The following HMGA2 variants were observed in gnomAD, a reference collection of about 807,000 sequenced individuals.
HMGA2 encodes high mobility group protein HMGI-C.
In HMGA2, 8 loss-of-function variants were observed where a neutral mutation model predicts 19.1. The observed-to-expected ratio is 0.42, with a 90% CI of 0.25 to 0.76. The LOEUF is 0.76. HMGA2 is among the 30% of genes least tolerant of loss of function. HMGA2 has a pLI of 0.28. For missense variants in HMGA2, 109 were observed against 136.3 expected, an observed-to-expected ratio of 0.80 and a Z score of 1.00; for synonymous variants, 60 against 48.8, an observed-to-expected ratio of 1.23 and a Z score of -0.96.
At chr12:65,875,169 A>G (rs2121061655) in intron 3 of HMGA2, among the ~76,000 whole-genome samples, 1 of 152,268 alleles carries the variant, frequency 6.6e-6, no homozygotes, top group East Asian at 1.9e-4. Context: ...TTACTCCCCT[A>G]TTCTCATATG....
chr12:65,842,117 T>C, intron 3 of HMGA2: 1 of 1,289,714 alleles, frequency 7.8e-7, no homozygotes, highest in Non-Finnish European at 1.0e-6. Flanking sequence ...GTCTCTTTTT[T>C]TCCTGGCTTT....
intron 3 of HMGA2, among the ~76,000 whole-genome samples, chr12:65,872,086 C>G (rs1030194472): frequency 6.6e-6 from 1 of 152,192 alleles, no homozygotes; most frequent in Non-Finnish European, 1.5e-5. Context: ...TGCTCCAGAT[C>G]TTTCATCCAG....
At chr12:65,848,870 A>C (rs1401775224) in intron 3 of HMGA2, among the ~76,000 whole-genome samples, 9 of 152,238 alleles carry the variant, frequency 5.9e-5, no homozygotes, top group Non-Finnish European at 1.5e-5. Flanking sequence ...CTCAAAAAAA[A>C]AAAAAGTTTA....
At chr12:65,908,540 G>T (rs1258053402) in intron 3 of HMGA2, among the ~76,000 whole-genome samples, 1 of 151,552 alleles carries the variant, frequency 6.6e-6, no homozygotes, top group Non-Finnish European at 1.5e-5. Flanking sequence ...AGTTTCATAT[G>T]TCTCCAGTTG....
At chr12:65,828,301 T>C in intron 2 of HMGA2, 1 of 494,608 alleles carries the variant, frequency 2.0e-6, no homozygotes, top group Admixed American at 3.2e-5. Flanking sequence ...CTTAACAGTG[T>C]TGTTTTTAAA....
At chr12:65,943,960 T>C (rs1051110063) in intron 3 of HMGA2, among the ~76,000 whole-genome samples, 8 of 152,148 alleles carry the variant, frequency 5.3e-5, no homozygotes, top group African/African-American at 1.9e-4. Context: ...GCAGGTTCAT[T>C]CCCAACTTAG....
At chr12:65,948,595 G>A in intron 3 of HMGA2, 1 of 152,300 alleles carries the variant, frequency 6.6e-6, no homozygotes, top group Middle Eastern at 3.2e-3. Flanking sequence ...TCTCGGCACA[G>A]TCTGGAGCCA....
At chr12:65,855,833 GC>G (rs1179420178) in intron 3 of HMGA2, 3 of 151,828 alleles carry the variant, frequency 2.0e-5, no homozygotes, top group African/African-American at 7.3e-5. Context: ...TGGACCAAAA[GC>G]CCTGTTGGAT....
intron 2 of HMGA2, among the ~76,000 whole-genome samples, chr12:65,838,315 A>G (rs1382276234): frequency 6.6e-6 from 1 of 151,904 alleles, no homozygotes; most frequent in Non-Finnish European, 1.5e-5. Context: ...ACCTCTTTAC[A>G]TCATGCAATG....
At chr12:65,956,734 G>A (rs1256607025) in intron 4 of HMGA2, 1 of 152,098 alleles carries the variant, frequency 6.6e-6, no homozygotes, top group Non-Finnish European at 1.5e-5. Flanking sequence ...GACTGTTTCT[G>A]TGTGGGGAAG....
chr12:65,866,488 G>A (rs1872419296), intron 3 of HMGA2, among the ~76,000 whole-genome samples: 1 of 152,162 alleles, frequency 6.6e-6, no homozygotes, highest in African/African-American at 2.4e-5. Context: ...TAGGACAAGA[G>A]GGTTAGGGGC....
intron 3 of HMGA2, among the ~76,000 whole-genome samples, chr12:65,900,006 T>C (rs992964684): frequency 1.3e-5 from 2 of 152,240 alleles, no homozygotes; most frequent in Admixed American, 6.5e-5. Context: ...ATCATCTGAA[T>C]ATTTTGTACT....
rs762897630 is a variant in HMGA2 at position 65,907,411 on chromosome 12, C to CAA, written c.250-43953_250-43952dup. 3.3e-3 allele frequency among the ~76,000 whole-genome samples: 181 copies of CAA among 54,518 alleles called. 3 individuals are homozygous for CAA. The highest frequency in any genetic ancestry group is 9.0e-3 in the African/African-American group (144 of 15,974). 35.8% of individuals were successfully genotyped at this position (54,518 alleles called of 152,430 possible). ...GACAACAGAGTGAGAGATTCCGTCT[C>CAA]AAAAAAAAAAAAAAAAAAAAGGTGG... On this transcript the variant is annotated intron_variant, in intron 3 of 4. Transcript: ENST00000403681.
At chr12:65,863,969 C>T (rs1183902913) in intron 3 of HMGA2, among the ~76,000 whole-genome samples, 1 of 152,146 alleles carries the variant, frequency 6.6e-6, no homozygotes, top group Non-Finnish European at 1.5e-5. Context: ...ATATGAAAAT[C>T]CACCAAAGGA....
At chr12:65,952,597 A>C (rs551219778) in intron 4 of HMGA2, 18 of 1,049,530 alleles carry the variant, frequency 1.7e-5, no homozygotes, top group East Asian at 8.3e-5. Context: ...GCTAAAAAAA[A>C]CCCAGTGTTT....
chr12:65,849,105 T>A (rs1871348411), intron 3 of HMGA2, among the ~76,000 whole-genome samples: 1 of 152,236 alleles, frequency 6.6e-6, no homozygotes, highest in African/African-American at 2.4e-5. Context: ...AGAATGATTC[T>A]GATGTCAGAA....
intron 3 of HMGA2, among the ~76,000 whole-genome samples, chr12:65,921,244 A>C (rs1026148032): frequency 6.6e-6 from 1 of 152,098 alleles, no homozygotes; most frequent in Non-Finnish European, 1.5e-5. Flanking sequence ...GTACTGTTAA[A>C]GGCATTCAGT....
intron 3 of HMGA2, among the ~76,000 whole-genome samples, chr12:65,945,791 A>G (rs1195439914): frequency 6.6e-6 from 1 of 152,136 alleles, no homozygotes; most frequent in Non-Finnish European, 1.5e-5. Flanking sequence ...TAACCGGTCA[A>G]TTTTGTCTAG....
intron 3 of HMGA2, among the ~76,000 whole-genome samples, chr12:65,891,031 G>A (rs1047052792): frequency 1.2e-4 from 19 of 152,070 alleles, no homozygotes; most frequent in Admixed American, 1.1e-3. Flanking sequence ...GCGCCCAGCC[G>A]ACTTCTTCAA....
Sources: allele counts gnomAD v4.1 joint callset (sites outside exome capture counted in the v4.1 genomes callset), GRCh38; gene constraint gnomAD v4.1.1; transcripts MANE v1.5; gene names NCBI Gene and HGNC (gene_info 2026-07-23, HGNC 2026-07-21).